CEP57L1: variants seen among roughly 807,000 people sequenced by gnomAD.
CEP57L1 encodes the protein centrosomal protein CEP57L1.
A neutral mutation model predicts 61.0 loss-of-function variants in CEP57L1; 37 were observed. The ratio of observed to expected loss-of-function variants is 0.61; its 90% CI spans 0.47 to 0.80. The LOEUF (loss-of-function observed/expected upper bound fraction) is 0.80, where lower values mean the gene tolerates loss of function less well. Ranked by LOEUF, CEP57L1 falls within the 30% of genes least tolerant of loss-of-function variation. CEP57L1 has a pLI of 0.00. For missense variants in CEP57L1, 422 were observed against 524.7 expected (o/e 0.80, Z 1.91); for synonymous variants, 137 against 162.3 (o/e 0.84, Z 1.19).
Position 109,129,220 on chromosome 6 carries a change from T to G in CEP57L1, c.-3-15999T>G, listed in dbSNP as rs930994899. On this transcript the variant is annotated intron_variant, in intron 1 of 10. Coordinates refer to ENST00000517392, the MANE Select transcript of CEP57L1 (RefSeq NM_001271852.3). ...ATCTCTAAACAAAAACCAAAAAAAC[T>G]AACTGGAAACTCCAAATCTATCCAA... 26 of 453,862 alleles carry G rather than the reference T, an allele frequency of 5.7e-5. No homozygotes were observed. In the South Asian group the frequency reaches 1.0e-3, roughly 18 times the overall value. 28.1% of individuals were successfully genotyped at this position (453,862 alleles called of 1,614,324 possible). A position where few individuals can be genotyped will look rare whatever the true frequency, so the allele number is the denominator to read the frequency against.
Position 109,123,229 on chromosome 6 carries a change from A to ATTC in CEP57L1, c.-3-21988_-3-21987insCTT, listed in dbSNP as rs1286168068. Reference sequence around the variant, plus strand: ...TATCTTTGTTTTTATTATTATTATTATTATCTACTGACTGAGCTAGCTGGG... The same window carrying ATTC: ...TATCTTTGTTTTTATTATTATTATTATTCTTATCTACTGACTGAGCTAGCTGGG... On this transcript the variant is annotated intron_variant, in intron 1 of 10. Transcript: ENST00000517392. 2.0e-5 allele frequency among the ~76,000 whole-genome samples: 3 copies of ATTC among 152,124 alleles called. No homozygotes were observed. The East Asian group carries it at 5.8e-4, about 29-fold the overall frequency.
chr6:109,131,898 G>A (rs193012838), intron 1 of CEP57L1, among the ~76,000 whole-genome samples: 2 of 152,224 alleles, frequency 1.3e-5, no homozygotes, highest in East Asian at 3.9e-4. Context: ...CCTAGGCATT[G>A]TGAGTTATAA....
intron 1 of CEP57L1, among the ~76,000 whole-genome samples, chr6:109,108,444 T>A (rs951734169): frequency 1.3e-5 from 2 of 152,012 alleles, no homozygotes; most frequent in Admixed American, 6.6e-5. Context: ...ACTCCTGAAC[T>A]CCAGTGATCC....
chr6:109,136,295 C>G (rs185003050), intron 1 of CEP57L1, among the ~76,000 whole-genome samples: 1 of 152,124 alleles, frequency 6.6e-6, no homozygotes, highest in Non-Finnish European at 1.5e-5. Context: ...AACCATCATT[C>G]TCAGCAAACT....
At chr6:109,120,747 C>A (rs1420577475) in intron 1 of CEP57L1, among the ~76,000 whole-genome samples, 1 of 152,056 alleles carries the variant, frequency 6.6e-6, no homozygotes, top group Non-Finnish European at 1.5e-5. Flanking sequence ...TTACACAGTT[C>A]CACATAGAAA....
chr6:109,103,049 G>A (rs1770514443), intron 1 of CEP57L1, among the ~76,000 whole-genome samples: 1 of 152,014 alleles, frequency 6.6e-6, no homozygotes, highest in South Asian at 2.1e-4. Flanking sequence ...GCTGGTTTTT[G>A]TTTTTGTTTT....
At chr6:109,120,544 C>G (rs1220367237) in intron 1 of CEP57L1, among the ~76,000 whole-genome samples, 2 of 152,106 alleles carry the variant, frequency 1.3e-5, no homozygotes, top group African/African-American at 4.8e-5. Flanking sequence ...ATTTTACTTT[C>G]ATTTTGTGAC....
chr6:109,113,548 C>G (rs1331649955), intron 1 of CEP57L1, among the ~76,000 whole-genome samples: 1 of 152,124 alleles, frequency 6.6e-6, no homozygotes, highest in East Asian at 1.9e-4. Flanking sequence ...GAAAAATGCT[C>G]TCAATATATA....
At chr6:109,135,611 A>G (rs963438660) in intron 1 of CEP57L1, among the ~76,000 whole-genome samples, 5 of 152,220 alleles carry the variant, frequency 3.3e-5, no homozygotes, top group Non-Finnish European at 7.4e-5. Flanking sequence ...AGAAACTACC[A>G]TCAGAGTGAA....
chr6:109,140,268 G>A (rs562884894), intron 1 of CEP57L1, among the ~76,000 whole-genome samples: 4 of 151,786 alleles, frequency 2.6e-5, no homozygotes, highest in East Asian at 3.9e-4. Flanking sequence ...CTATTATGAC[G>A]TTAGTAGTTT....
At chr6:109,154,140 T>C (rs1482489230) in intron 5 of CEP57L1, among the ~76,000 whole-genome samples, 191 bp downstream of exon 5, 1 of 152,218 alleles carries the variant, frequency 6.6e-6, no homozygotes, top group Non-Finnish European at 1.5e-5. Context: ...TGAGCTGTCT[T>C]TTGATGTGAA....
chr6:109,161,487 A>G (rs1284842209), intron 10 of CEP57L1, among the ~76,000 whole-genome samples: 1 of 152,162 alleles, frequency 6.6e-6, no homozygotes, highest in East Asian at 1.9e-4. Flanking sequence ...TGATATATGA[A>G]TGTCACAAAT....
intron 1 of CEP57L1, among the ~76,000 whole-genome samples, chr6:109,109,466 G>T (rs1336985420): frequency 6.6e-6 from 1 of 151,982 alleles, no homozygotes; most frequent in East Asian, 1.9e-4. Flanking sequence ...AGCAAGTCTT[G>T]GTAAATACTG....
At position 109,171,538 on chromosome 6, in the gene CEP57L1, C is replaced by T. The variant is rs1457902524; in HGVS notation, c.*8568C>T. Among the ~76,000 whole-genome samples the T allele has an allele frequency of 1.3e-5, 2 of 152,040 alleles. No homozygotes were observed. Among genetic ancestry groups the T allele is most frequent in the Admixed American group, 1.3e-4 (2 of 15,246 alleles). On this transcript the variant is annotated 3_prime_UTR_variant, in exon 11 of 11. Coordinates refer to ENST00000517392, the MANE Select transcript of CEP57L1 (RefSeq NM_001271852.3). Reference sequence around the variant, plus strand: ...GGGATTACAGGTGTGAGCCACCGCGCCCTGCCTAGAGTTTGATTCTCTTAA... The same window carrying T: ...GGGATTACAGGTGTGAGCCACCGCGTCCTGCCTAGAGTTTGATTCTCTTAA...
intron 7 of CEP57L1, chr6:109,158,611 A>G (rs1773441228): frequency 2.2e-6 from 1 of 458,642 alleles, no homozygotes; most frequent in Non-Finnish European, 4.4e-6. Context: ...ATAAATGCGT[A>G]AGAGAACAAT....
At chr6:109,100,687 AAAAAAGAAG>A (rs1286740791) in intron 1 of CEP57L1, among the ~76,000 whole-genome samples, 1 of 151,392 alleles carries the variant, frequency 6.6e-6, no homozygotes, top group African/African-American at 2.4e-5. Context: ...AAAAAAAAAA[AAAAAAGAAG>A]AAAGAAAGAA....
chr6:109,132,159 G>C (rs1774269324), intron 1 of CEP57L1, among the ~76,000 whole-genome samples: 3 of 152,072 alleles, frequency 2.0e-5, no homozygotes, highest in Admixed American at 2.0e-4. Flanking sequence ...CTTTTGGTTT[G>C]GGGTGCCTCA....
Position 109,170,431 on chromosome 6 carries a change from A to G in CEP57L1, c.*7461A>G, listed in dbSNP as rs576049780. On this transcript the variant is annotated 3_prime_UTR_variant, in exon 11 of 11. Transcript: ENST00000517392. ...GTTGTTGTTGTTGTTAGTTTGCCTT[A>G]AAGTTAAATGTACATTGACCTTTGG... 3.9e-4 allele frequency among the ~76,000 whole-genome samples: 60 copies of G among 152,282 alleles called. No homozygotes were observed. The highest frequency in any genetic ancestry group is 6.8e-3 in the Middle Eastern group (2 of 294).
intron 5 of CEP57L1, among the ~76,000 whole-genome samples, chr6:109,154,673 G>A (rs1368989962): frequency 6.6e-6 from 1 of 151,902 alleles, no homozygotes; most frequent in Non-Finnish European, 1.5e-5. Flanking sequence ...TTTGGATTAG[G>A]GATACCGAAC....
Sources: allele counts gnomAD v4.1 joint callset (sites outside exome capture counted in the v4.1 genomes callset), GRCh38; gene constraint gnomAD v4.1.1; transcripts MANE v1.5; gene names NCBI Gene and HGNC (gene_info 2026-07-23, HGNC 2026-07-21).